The following PCGF5 variants were observed in gnomAD, a reference collection of about 807,000 sequenced individuals.
The protein encoded by PCGF5 is polycomb group ring finger 5.
Under a neutral mutation model 44.3 loss-of-function variants are expected in PCGF5, and 9 were observed. The observed-to-expected ratio is 0.20, with a 90% CI of 0.12 to 0.35. PCGF5 has a LOEUF of 0.35. Ranked by LOEUF, PCGF5 falls within the 10% of genes least tolerant of loss-of-function variation. PCGF5 has a pLI of 1.00. For synonymous variants in PCGF5, 95 were observed against 102.5 expected (o/e 0.93, Z 0.44); for missense variants, 146 against 305.3 (o/e 0.48, Z 3.89).
At chr10:91,179,537 T>A (rs751278549) in intron 1 of PCGF5, among the ~76,000 whole-genome samples, 1 of 152,124 alleles carries the variant, frequency 6.6e-6, no homozygotes, top group Non-Finnish European at 1.5e-5. Flanking sequence ...GTGTGTTGTT[T>A]CCCTCTGTGT....
At position 91,187,340 on chromosome 10, in the gene PCGF5, T is replaced by C. The variant is rs536525821; in HGVS notation, c.-184+24259T>C. Among the ~76,000 whole-genome samples, 3 of 152,228 alleles carry C rather than the reference T, an allele frequency of 2.0e-5. No homozygotes were observed. In the South Asian group the frequency reaches 6.2e-4, roughly 32 times the overall value. Reference sequence around the variant, plus strand: ...CTTTTGCTGTGATAGATAAAGATCTTCATGTGCAGATTTTGTAGTGATCTG... The same window carrying C: ...CTTTTGCTGTGATAGATAAAGATCTCCATGTGCAGATTTTGTAGTGATCTG... On this transcript the variant is annotated intron_variant, in intron 1 of 9. Coordinates refer to the PCGF5 transcript ENST00000614189.
upstream of PCGF5, among the ~76,000 whole-genome samples, chr10:91,162,747 G>T (rs1005974541): frequency 6.6e-6 from 1 of 151,232 alleles, no homozygotes; most frequent in Admixed American, 6.6e-5. Flanking sequence ...GGGCGGCGGC[G>T]AGAGGCTGTG....
At chr10:91,207,787 TGTTTCC>T (rs1844373733) in intron 1 of PCGF5, among the ~76,000 whole-genome samples, 1 of 152,240 alleles carries the variant, frequency 6.6e-6, no homozygotes, top group African/African-American at 2.4e-5. Flanking sequence ...ACTTATTTTA[TGTTTCC>T]AAATGATTAT....
chr10:91,275,323 C>T (rs185474030), intron 9 of PCGF5, among the ~76,000 whole-genome samples: 49 of 151,922 alleles, frequency 3.2e-4, no homozygotes, highest in African/African-American at 1.2e-3. Flanking sequence ...AAAATACTAT[C>T]TTATGCTTAT....
chr10:91,161,802 C>T (rs1367890534), upstream of PCGF5, among the ~76,000 whole-genome samples: 2 of 152,226 alleles, frequency 1.3e-5, no homozygotes, highest in East Asian at 1.9e-4. Flanking sequence ...TTTCCAGTCT[C>T]ACCAGAGCTG....
intron 1 of PCGF5, among the ~76,000 whole-genome samples, chr10:91,213,989 T>C (rs1844498131): frequency 1.3e-5 from 2 of 152,112 alleles, no homozygotes. Context: ...CTTAATTCAG[T>C]AAGACTCATG....
intron 1 of PCGF5, among the ~76,000 whole-genome samples, chr10:91,205,202 T>C (rs1449054311): frequency 6.6e-6 from 1 of 152,166 alleles, no homozygotes; most frequent in Non-Finnish European, 1.5e-5. Context: ...ATTTTCCCTG[T>C]CATCCAGCCT....
chr10:91,219,905 C>T (rs1012145933), upstream of PCGF5, among the ~76,000 whole-genome samples: 1 of 151,986 alleles, frequency 6.6e-6, no homozygotes, highest in Non-Finnish European at 1.5e-5. Flanking sequence ...GAAGTTAACG[C>T]CTATCAGTTG....
At chr10:91,266,720 A>G (rs959755152) in intron 8 of PCGF5, among the ~76,000 whole-genome samples, 5 of 152,184 alleles carry the variant, frequency 3.3e-5, no homozygotes, top group African/African-American at 1.2e-4. Context: ...TGGTAGCTCC[A>G]TTTTTCCAGT....
Position 91,261,343 on chromosome 10 carries a change from C to T in PCGF5, c.492C>T (p.Phe164=), listed in dbSNP as rs755895974. 1 of 1,495,028 alleles carries T rather than the reference C, an allele frequency of 6.7e-7. No individual in the cohort carries two copies. The highest frequency in any genetic ancestry group is 2.0e-5 in the Admixed American group (1 of 50,226). 92.6% of individuals were successfully genotyped at this position (1,495,028 alleles called of 1,614,324 possible). A position where few individuals can be genotyped will look rare whatever the true frequency, so the allele number is the denominator to read the frequency against. Residue 164 remains phenylalanine, a synonymous_variant, in exon 7 of 10, where the codon TTC becomes TTT. Coordinates refer to ENST00000336126, the MANE Select transcript of PCGF5 (RefSeq NM_032373.5). ...DNVVKGLMKK[F]IRCSTRVTVG... ...TCCTTTAGGGTTTAATGAAGAAATT[C>T]ATTCGATGTTCTACACGTGTAACTG... is the stretch of plus-strand genomic sequence containing the variant.
At chr10:91,187,982 AATT>A (rs923626972) in intron 1 of PCGF5, among the ~76,000 whole-genome samples, 13 of 151,490 alleles carry the variant, frequency 8.6e-5, no homozygotes, top group Non-Finnish European at 1.9e-4. Context: ...AATTTTTTTA[AATT>A]ATTATTATAC....
chr10:91,224,500 A>T (rs1233151488), intron 2 of PCGF5, among the ~76,000 whole-genome samples: 1 of 149,320 alleles, frequency 6.7e-6, no homozygotes, highest in African/African-American at 2.5e-5. Flanking sequence ...AACTAATTTT[A>T]AAAATGCCAT....
chr10:91,191,637 G>A (rs1049298400), intron 1 of PCGF5, among the ~76,000 whole-genome samples: 12 of 152,268 alleles, frequency 7.9e-5, no homozygotes, highest in Non-Finnish European at 1.3e-4. Flanking sequence ...CTTGGTGTGT[G>A]TTATCATAAG....
chr10:91,195,451 TGC>T (rs1333057833), intron 1 of PCGF5, among the ~76,000 whole-genome samples: 3,809 of 130,356 alleles, frequency 0.029, 150 homozygotes, highest in African/African-American at 0.12. Flanking sequence ...TGTATATATA[TGC>T]ATATATATAT....
chr10:91,229,896 A>G lies in PCGF5; in HGVS notation c.112+6913A>G, dbSNP rs141799479. Among the ~76,000 whole-genome samples, 157 of 152,324 alleles carry G rather than the reference A, an allele frequency of 1.0e-3. 4 individuals are homozygous for G. In the East Asian group the frequency reaches 0.023, roughly 22 times the overall value. ...ATATACTAGAAATGATGTCATTGGT[A>G]TACTGATGTTACATATTTCAAACAG... On this transcript the variant is annotated intron_variant, in intron 2 of 9. Coordinates refer to ENST00000336126, the MANE Select transcript of PCGF5 (RefSeq NM_032373.5).
chr10:91,189,291 C>A (rs529805354), intron 1 of PCGF5, among the ~76,000 whole-genome samples: 1 of 152,342 alleles, frequency 6.6e-6, no homozygotes, highest in South Asian at 2.1e-4. Context: ...GTTCTGTCCC[C>A]ATTTTTCCAT....
chr10:91,203,168 A>C (rs919030916), intron 1 of PCGF5, among the ~76,000 whole-genome samples: 6 of 152,216 alleles, frequency 3.9e-5, no homozygotes, highest in Non-Finnish European at 7.3e-5. Flanking sequence ...GCCACTATCA[A>C]GACTAACCCA....
intron 6 of PCGF5, among the ~76,000 whole-genome samples, chr10:91,260,726 C>T (rs1270920561): frequency 1.3e-5 from 2 of 148,350 alleles, no homozygotes; most frequent in Non-Finnish European, 1.5e-5. Context: ...AACCAAACAC[C>T]GCATGTTCTC....
intron 1 of PCGF5, among the ~76,000 whole-genome samples, chr10:91,208,206 AT>A (rs2133246765): frequency 6.6e-6 from 1 of 152,196 alleles, no homozygotes; most frequent in East Asian, 1.9e-4. Flanking sequence ...GAAAAGAAGG[AT>A]TCTTCTTTTC....
Sources: gnomAD v4.1 joint callset for allele counts (sites outside exome capture counted in the v4.1 genomes callset) on GRCh38, gnomAD v4.1.1 for gene constraint, MANE v1.5 for transcripts, NCBI Gene and HGNC (gene_info 2026-07-23, HGNC 2026-07-21) for gene names.